The following PLCL1 variants were observed in gnomAD, a reference collection of about 807,000 sequenced individuals.
PLCL1 encodes phospholipase C like 1 (inactive), also known as inactive phospholipase C-like protein 1.
PLCL1 carries 41 observed loss-of-function variants against 84.4 expected under a neutral mutation model. The ratio of observed to expected loss-of-function variants is 0.49; its 90% CI spans 0.38 to 0.63. The LOEUF is 0.63. Among genes scored for constraint, PLCL1 ranks in the 30% least tolerant of loss-of-function variants. The pLI, the probability that PLCL1 is intolerant of heterozygous loss-of-function variation, is 0.00. For missense variants in PLCL1, 1,206 were observed against 1,367.8 expected (o/e 0.88, Z 1.87); for synonymous variants, 490 against 488.3 (o/e 1.00, Z -0.05).
chr2:198,071,626 T>G (rs552682017), intron 1 of PLCL1, among the ~76,000 whole-genome samples: 1 of 151,846 alleles, frequency 6.6e-6, no homozygotes, highest in African/African-American at 2.4e-5. Flanking sequence ...TTTGTGAATT[T>G]GTCTTTTCCA....
chr2:198,046,264 T>C (rs992890989), intron 1 of PLCL1, among the ~76,000 whole-genome samples: 1 of 152,150 alleles, frequency 6.6e-6, no homozygotes, highest in Non-Finnish European at 1.5e-5. Context: ...TGAAAAAAAA[T>C]TTCAACTAAG....
intron 1 of PLCL1, among the ~76,000 whole-genome samples, chr2:198,001,242 G>T (rs1176249878): frequency 6.6e-6 from 1 of 152,288 alleles, no homozygotes; most frequent in East Asian, 1.9e-4. Flanking sequence ...TTGGAAAAGG[G>T]CACTGTGAAC....
chr2:198,077,864 A>G (rs1222024934), intron 1 of PLCL1, among the ~76,000 whole-genome samples: 1 of 152,152 alleles, frequency 6.6e-6, no homozygotes, highest in Non-Finnish European at 1.5e-5. Flanking sequence ...ACTCAAACCA[A>G]AAACCTAGAA....
At chr2:197,897,172 T>C (rs1409877447) in intron 1 of PLCL1, among the ~76,000 whole-genome samples, 2 of 32,928 alleles carry the variant, frequency 6.1e-5, no homozygotes, top group Admixed American at 3.0e-4. Context: ...CTTCTTCTTC[T>C]TCTTCTTCTT....
Position 198,045,478 on chromosome 2 carries a change from A to G in PLCL1, c.241-38280A>G, listed in dbSNP as rs377139400. ...AGATAGGTTGTCCTCATTTTATTAC[A>G]TAGGGCATTTTCACTATTATCTTAA... On this transcript the variant is annotated intron_variant, in intron 1 of 5. Transcript: ENST00000428675. Among the ~76,000 whole-genome samples the G allele has an allele frequency of 3.8e-3, 584 of 152,338 alleles. 5 individuals are homozygous for G. The highest frequency in any genetic ancestry group is 0.013 in the African/African-American group (555 of 41,582).
Position 198,146,883 on chromosome 2 carries a change from G to A in PLCL1, c.3209G>A (p.Ser1070Asn), listed in dbSNP as rs750492003. Residue 1070 changes from serine (S) to asparagine (N), a missense_variant, in exon 6 of 6, where the codon AGC becomes AAC. Coordinates refer to ENST00000428675, the MANE Select transcript of PLCL1 (RefSeq NM_006226.4). ...LSCGLSKAPSSSAEAKSKRSL... is the reference protein window; with the variant it reads ...LSCGLSKAPSNSAEAKSKRSL... ...TGTGGACTGAGTAAAGCCCCCAGCA[G>A]CAGTGCTGAGGCCAAGAGCAAGCGC... 1.9e-6 allele frequency: 3 copies of A among 1,613,466 alleles called. No homozygotes were observed. The highest frequency in any genetic ancestry group is 2.2e-5 in the East Asian group (1 of 44,850).
intron 1 of PLCL1, among the ~76,000 whole-genome samples, chr2:197,966,350 C>T (rs1004327522): frequency 1.3e-5 from 2 of 152,032 alleles, no homozygotes; most frequent in African/African-American, 4.8e-5. Context: ...GTCCTTGTGG[C>T]CTAGACTGCC....
chr2:198,013,532 T>C (rs1690918658), intron 1 of PLCL1, among the ~76,000 whole-genome samples: 1 of 152,142 alleles, frequency 6.6e-6, no homozygotes, highest in African/African-American at 2.4e-5. Context: ...ATTAATATTA[T>C]ACTAGAAAGT....
chr2:197,963,574 G>T (rs1010913840), intron 1 of PLCL1, among the ~76,000 whole-genome samples: 3 of 151,960 alleles, frequency 2.0e-5, no homozygotes, highest in South Asian at 2.1e-4. Context: ...TTGCTGTGCA[G>T]AGCTTTTTAA....
At position 197,805,676 on chromosome 2, in the gene PLCL1, G is replaced by T. The variant is rs1468875179; in HGVS notation, c.240+337G>T. Among the ~76,000 whole-genome samples the T allele has an allele frequency of 6.6e-6, 1 of 152,208 alleles. No homozygotes were observed. The highest frequency in any genetic ancestry group is 1.5e-5 in the Non-Finnish European group (1 of 68,040). ...ACTCTGGATAAATGCAGACCCACCG[G>T]ATGGTTGTGCATTGCTTTCCAATGA... is the stretch of plus-strand genomic sequence containing the variant. On this transcript the variant is annotated intron_variant, in intron 1 of 5. Transcript: ENST00000428675. This position sits in a 1 kb window ranked among gnomAD's most constrained non-coding sequence, Gnocchi z 4.0.
chr2:198,061,223 G>A (rs764754925), intron 1 of PLCL1, among the ~76,000 whole-genome samples: 17 of 152,324 alleles, frequency 1.1e-4, no homozygotes, highest in Non-Finnish European at 2.1e-4. Flanking sequence ...GGGAGTAGGG[G>A]TGTGTTATAA....
intron 5 of PLCL1, among the ~76,000 whole-genome samples, chr2:198,112,939 A>G (rs777223375): frequency 1.3e-5 from 2 of 151,888 alleles, no homozygotes; most frequent in Non-Finnish European, 2.9e-5. Context: ...GAGAGAATGG[A>G]TGGATCACTT....
chr2:198,101,217 T>C, intron 3 of PLCL1, 68 bp from the exon 4 acceptor site: 1 of 888,318 alleles, frequency 1.1e-6, no homozygotes, highest in Non-Finnish European at 1.9e-6. Flanking sequence ...TCTCTCTGTA[T>C]GTCGTCTTCC....
chr2:198,142,538 T>C (rs1378748389), intron 5 of PLCL1, among the ~76,000 whole-genome samples: 1 of 152,210 alleles, frequency 6.6e-6, no homozygotes. Context: ...TGTTTGTTTT[T>C]TAAATATTCA....
At chr2:198,071,984 G>T (rs1015680217) in intron 1 of PLCL1, among the ~76,000 whole-genome samples, 1 of 151,604 alleles carries the variant, frequency 6.6e-6, no homozygotes, top group Non-Finnish European at 1.5e-5. Context: ...TGTTTCCTTT[G>T]TTATTTAAAA....
chr2:197,972,765 T>A (rs998768515), intron 1 of PLCL1, among the ~76,000 whole-genome samples: 1 of 152,252 alleles, frequency 6.6e-6, no homozygotes. Context: ...ATTCACATAC[T>A]CTTTGATATA....
Position 197,913,076 on chromosome 2 carries a change from T to G in PLCL1, c.240+107737T>G, listed in dbSNP as rs78922190. On this transcript the variant is annotated intron_variant, in intron 1 of 5. Transcript: ENST00000428675. The stretch of plus-strand genomic sequence containing the variant: ...GCTGAAATATGTAGAGATAAAATGA[T>G]GGGACCAAAGCTGAAAGTGTACATT... Among the ~76,000 whole-genome samples, 821 of 152,278 alleles carry G rather than the reference T, an allele frequency of 5.4e-3. 16 individuals are homozygous for G. Among genetic ancestry groups the G allele is most frequent in the East Asian group, 0.036 (187 of 5,184 alleles).
intron 1 of PLCL1, among the ~76,000 whole-genome samples, chr2:197,971,376 C>T (rs574937981): frequency 9.9e-5 from 15 of 152,268 alleles, no homozygotes; most frequent in African/African-American, 3.6e-4. Context: ...GAACAACATA[C>T]CTTAACAAAT....
chr2:197,834,542 G>T (rs183790749), intron 1 of PLCL1, among the ~76,000 whole-genome samples: 1 of 152,150 alleles, frequency 6.6e-6, no homozygotes, highest in African/African-American at 2.4e-5. Context: ...ACAAACATAC[G>T]AATAAAAGCC....
Sources: allele counts gnomAD v4.1 joint callset (sites outside exome capture counted in the v4.1 genomes callset), GRCh38; gene constraint gnomAD v4.1.1; non-coding constraint Gnocchi (gnomAD v3.1); transcripts MANE v1.5; gene names NCBI Gene and HGNC (gene_info 2026-07-23, HGNC 2026-07-21).